The following KIF3C variants were observed in gnomAD, a reference collection of about 807,000 sequenced individuals.
KIF3C encodes kinesin family member 3C.
KIF3C carries 12 observed loss-of-function variants against 67.7 expected under a neutral mutation model. The ratio of observed to expected loss-of-function variants is 0.18; its 90% CI spans 0.11 to 0.29. KIF3C has a LOEUF of 0.29. KIF3C is among the 10% of genes least tolerant of loss of function. The pLI, the probability that KIF3C is intolerant of heterozygous loss-of-function variation, is 1.00. For synonymous variants in KIF3C, 393 were observed against 426.2 expected, an observed-to-expected ratio of 0.92 and a Z score of 0.96; for missense variants, 789 against 1,059.6, an observed-to-expected ratio of 0.74 and a Z score of 3.55.
intron 1 of KIF3C, among the ~76,000 whole-genome samples, chr2:25,972,950 C>A (rs566918240): frequency 2.6e-5 from 4 of 152,230 alleles, no homozygotes; most frequent in African/African-American, 9.6e-5. Flanking sequence ...TGACTCTTCT[C>A]TAACTGGTTA....
rs148478118 is a variant in KIF3C, at chr2:25,972,959, T to G, written c.1545+7414A>C. ...TGTCTTTGACTCTTCTCTAACTGGT[T>G]ATGACAGAGAGCTGAAAAACATCCT... On this transcript the variant is annotated intron_variant, in intron 1 of 7. Coordinates refer to ENST00000264712, the MANE Select transcript of KIF3C (RefSeq NM_002254.8). Among the ~76,000 whole-genome samples the G allele has an allele frequency of 1.3e-3, 199 of 152,312 alleles. 1 individual carries two copies. Among genetic ancestry groups the G allele is most frequent in the African/African-American group, 4.5e-3 (185 of 41,564 alleles).
intron 1 of KIF3C, among the ~76,000 whole-genome samples, chr2:25,963,388 T>C (rs551862376): frequency 6.8e-6 from 1 of 146,972 alleles, no homozygotes; most frequent in Non-Finnish European, 1.5e-5. Flanking sequence ...TGTATTTTAT[T>C]GTAGAGACAG....
At chr2:25,963,001 T>A in intron 1 of KIF3C, among the ~76,000 whole-genome samples, 1 of 48,218 alleles carries the variant, frequency 2.1e-5, no homozygotes, top group Non-Finnish European at 3.1e-5. Context: ...ATATATAATA[T>A]ATAATATATA....
chr2:25,929,257 C>T, intron 7 of KIF3C, 48 bp downstream of exon 7: 3 of 1,587,660 alleles, frequency 1.9e-6, no homozygotes, highest in Middle Eastern at 1.7e-4. Flanking sequence ...GCCTGCAGTT[C>T]CCCTGCCTCC....
At chr2:25,968,415 G>A (rs1476309654) in intron 1 of KIF3C, among the ~76,000 whole-genome samples, 2 of 152,104 alleles carry the variant, frequency 1.3e-5, no homozygotes, top group Non-Finnish European at 1.5e-5. Context: ...AAGTGCCTCA[G>A]CTCACCTTGA....
Position 25,980,995 on chromosome 2 carries a change from G to T in KIF3C, c.923C>A (p.Ala308Glu), listed in dbSNP as rs1235862250. ...GGGAATGTGGGTGCTCCTGTTGCCCGCCAGGGCAGCAATCACGTTGCCCAG... is the reference window on the plus strand; with the variant it reads ...GGGAATGTGGGTGCTCCTGTTGCCCTCCAGGGCAGCAATCACGTTGCCCAG... ...SALGNVIAAL[A>E]GNRSTHIPYR... The change falls in exon 1 of 8, where the codon GCG (alanine) becomes GAG (glutamate). Residue 308 changes from alanine (A) to glutamate (E), a missense_variant. Physicochemically the swap from Ala to Glu is moderately radical, Grantham distance 107. Around this residue, in one of 2 missense-constraint regions of KIF3C, gnomAD observed 648 missense variants for 807.8 expected, o/e 0.80. Transcript: ENST00000264712. The surrounding 1 kb of genome is among the most constrained non-coding windows in gnomAD (Gnocchi z 7.6). 9 of 1,614,054 alleles carry T rather than the reference G, an allele frequency of 5.6e-6. No individual in the cohort carries two copies. Among genetic ancestry groups the T allele is most frequent in the African/African-American group, 4.0e-5 (3 of 74,930 alleles).
chr2:25,936,086 C>CAA (rs529952771), intron 5 of KIF3C, among the ~76,000 whole-genome samples: 18 of 135,296 alleles, frequency 1.3e-4, no homozygotes, highest in Non-Finnish European at 2.2e-4. Flanking sequence ...GACTCAGTCT[C>CAA]AAAAAAAAAA....
chr2:25,975,179 A>G (rs566375810), intron 1 of KIF3C, among the ~76,000 whole-genome samples: 20 of 152,214 alleles, frequency 1.3e-4, no homozygotes, highest in African/African-American at 4.6e-4. Flanking sequence ...TTTCCTTTTT[A>G]AGACAGGGTT....
chr2:25,957,073 T>C (rs1223089897), intron 1 of KIF3C, among the ~76,000 whole-genome samples: 2 of 152,194 alleles, frequency 1.3e-5, no homozygotes, highest in South Asian at 2.1e-4. Context: ...AGGTCTGTCA[T>C]CTACAATATT....
At chr2:25,970,667 C>CAAAAAAAAAAAAAAAAAAAAAAAAAAAA in intron 1 of KIF3C, among the ~76,000 whole-genome samples, 1 of 54,788 alleles carries the variant, frequency 1.8e-5, no homozygotes, top group Non-Finnish European at 3.2e-5. Context: ...AACTTTGTCT[C>CAAAAAAAAAAAAAAAAAAAAAAAAAAAA]AAAAAAAAAA....
chr2:25,977,740 T>C (rs1032327719), intron 1 of KIF3C, among the ~76,000 whole-genome samples: 19 of 152,096 alleles, frequency 1.2e-4, no homozygotes, highest in African/African-American at 4.6e-4. Context: ...GGTTGGTATC[T>C]CTAACATGCT....
chr2:25,926,925 G>C lies in KIF3C; in HGVS notation c.*2053C>G, dbSNP rs1259871058. On this transcript the variant is annotated 3_prime_UTR_variant, in exon 8 of 8. Coordinates refer to ENST00000264712, the MANE Select transcript of KIF3C (RefSeq NM_002254.8). ...ATATTTGATACACCAAAAGGAAAAGGAGAGAAAGAGAGACAGAGAGACTGA... is the reference window on the plus strand; with the variant it reads ...ATATTTGATACACCAAAAGGAAAAGCAGAGAAAGAGAGACAGAGAGACTGA... The C allele has an allele frequency of 6.6e-6, 1 of 152,154 alleles. No individual in the cohort carries two copies. The highest frequency in any genetic ancestry group is 1.5e-5 in the Non-Finnish European group (1 of 68,016). 9.4% of individuals were successfully genotyped at this position (152,154 alleles called of 1,614,324 possible).
At chr2:25,952,510 C>T (rs540442434) in intron 4 of KIF3C, among the ~76,000 whole-genome samples, 1 of 147,818 alleles carries the variant, frequency 6.8e-6, no homozygotes, top group South Asian at 2.1e-4. Flanking sequence ...TAGTCAATAA[C>T]TTAATTGTAT....
At chr2:25,947,044 A>G (rs1462057348) in intron 5 of KIF3C, among the ~76,000 whole-genome samples, 1 of 151,868 alleles carries the variant, frequency 6.6e-6, no homozygotes. Context: ...AATCCCAGCT[A>G]CTGGGGAGGC....
At chr2:25,974,967 G>A (rs1230940305) in intron 1 of KIF3C, among the ~76,000 whole-genome samples, 2 of 147,204 alleles carry the variant, frequency 1.4e-5, no homozygotes, top group African/African-American at 2.6e-5. Flanking sequence ...CAGAGGTTGC[G>A]GTGAGCCAAG....
chr2:25,954,687 C>T (rs566071557), intron 3 of KIF3C, among the ~76,000 whole-genome samples: 1 of 152,210 alleles, frequency 6.6e-6, no homozygotes. Flanking sequence ...GTCCAATACC[C>T]TCCTTTCATA....
Position 25,980,570 on chromosome 2 carries a change from C to G in KIF3C, c.1348G>C (p.Glu450Gln). The G allele has an allele frequency of 6.2e-7, 1 of 1,614,146 alleles. No individual in the cohort carries two copies. Among genetic ancestry groups the G allele is most frequent in the South Asian group, 1.1e-5 (1 of 91,084 alleles). The change falls in exon 1 of 8, where the codon GAG becomes CAG. Residue 450 changes from glutamate to glutamine, a missense_variant. Glu to Gln is a conservative substitution (Grantham distance 29, BLOSUM62 2). Transcript: ENST00000264712. The surrounding 1 kb of genome is among the most constrained non-coding windows in gnomAD (Gnocchi z 7.6). Reference sequence around the variant, plus strand: ...TCCATGTTCTTCTCCAAGGCTGACTCCAGGATGGGCTGGGGCGGGCGGTGG... The same window carrying G: ...TCCATGTTCTTCTCCAAGGCTGACTGCAGGATGGGCTGGGGCGGGCGGTGG... ...NNHRPPQPILESALEKNMENY... is the reference protein window; with the variant it reads ...NNHRPPQPILQSALEKNMENY...
chr2:25,930,148 T>A, intron 5 of KIF3C, 85 bp from the exon 6 acceptor site: 1 of 1,073,124 alleles, frequency 9.3e-7, no homozygotes, highest in Non-Finnish European at 1.4e-6. Flanking sequence ...ATCATTCAGG[T>A]AGCTAGGAGG....
intron 5 of KIF3C, among the ~76,000 whole-genome samples, chr2:25,943,726 G>A (rs1327986430): frequency 2.0e-5 from 3 of 151,966 alleles, no homozygotes; most frequent in South Asian, 2.1e-4. Context: ...TTTGCCAGGC[G>A]TGGTGGCACA....
Sources: gnomAD v4.1 joint callset for allele counts (sites outside exome capture counted in the v4.1 genomes callset) on GRCh38, gnomAD v4.1.1 for gene constraint, gnomAD v4.1.1 regional missense constraint, Gnocchi (gnomAD v3.1) non-coding constraint, MANE v1.5 for transcripts, NCBI Gene and HGNC (gene_info 2026-07-23, HGNC 2026-07-21) for gene names.